Variants in RAPGEF2 observed in about 807,000 individuals in gnomAD.
RAPGEF2 encodes the protein PDZ domain containing guanine nucleotide exchange factor (GEF) 1.
Under a neutral mutation model 186.7 loss-of-function variants are expected in RAPGEF2, and 54 were observed. The ratio of observed to expected loss-of-function variants is 0.29; its 90% CI spans 0.23 to 0.36. RAPGEF2 has a LOEUF of 0.36. Among genes scored for constraint, RAPGEF2 ranks in the 10% least tolerant of loss-of-function variants. The pLI is 1.00. For missense variants in RAPGEF2, 1,532 were observed against 2,045.0 expected, an observed-to-expected ratio of 0.75 and a Z score of 4.84; for synonymous variants, 712 against 705.9, an observed-to-expected ratio of 1.01 and a Z score of -0.14.
intron 1 of RAPGEF2, among the ~76,000 whole-genome samples, chr4:159,176,772 T>A (rs1262163365): frequency 6.6e-6 from 1 of 152,042 alleles, no homozygotes; most frequent in Non-Finnish European, 1.5e-5. Flanking sequence ...ATGTTAAGAG[T>A]GAAGTGTAAA....
chr4:159,294,020 C>T (rs928752541), intron 7 of RAPGEF2, among the ~76,000 whole-genome samples: 9 of 152,288 alleles, frequency 5.9e-5, no homozygotes, highest in African/African-American at 1.4e-4. Flanking sequence ...TAGCGATGCA[C>T]CCAGCAAGAG....
At chr4:159,229,263 C>T (rs924916609) in intron 4 of RAPGEF2, 2 of 152,082 alleles carry the variant, frequency 1.3e-5, no homozygotes, top group Non-Finnish European at 2.9e-5. Context: ...GTTTACATTC[C>T]GATACTGAGA....
At chr4:159,261,279 G>T (rs571587003) in intron 7 of RAPGEF2, among the ~76,000 whole-genome samples, 27 of 150,626 alleles carry the variant, frequency 1.8e-4, no homozygotes, top group African/African-American at 6.1e-4. Flanking sequence ...AGCCAGGATG[G>T]TCTCCATCTC....
chr4:159,319,215 G>A (rs1764952613), intron 9 of RAPGEF2, among the ~76,000 whole-genome samples: 1 of 152,122 alleles, frequency 6.6e-6, no homozygotes, highest in African/African-American at 2.4e-5. Context: ...TTAGGAACTA[G>A]GCCGCACAGC....
intron 1 of RAPGEF2, among the ~76,000 whole-genome samples, chr4:159,164,272 G>A (rs1380624275): frequency 6.6e-6 from 1 of 150,396 alleles, no homozygotes; most frequent in South Asian, 2.1e-4. Flanking sequence ...CCAAAGTGCT[G>A]GGATTACAGG....
intron 1 of RAPGEF2, among the ~76,000 whole-genome samples, chr4:159,167,040 A>C (rs1397876925): frequency 6.6e-6 from 1 of 152,220 alleles, no homozygotes; most frequent in East Asian, 1.9e-4. Context: ...ATGGTGAAAG[A>C]AGAGAAGGCC....
At position 159,330,315 on chromosome 4, in the gene RAPGEF2, A is replaced by C. The variant is rs765130900; in HGVS notation, c.1303-19A>C. On this transcript the variant is annotated intron_variant, in intron 12 of 29. Transcript: ENST00000691494. ...TGTGTGTATATATATGTAGTAATTAAACCTTTTCTTTGTTACAGGGTACCT... is the reference window on the plus strand; with the variant it reads ...TGTGTGTATATATATGTAGTAATTACACCTTTTCTTTGTTACAGGGTACCT... 1.4e-5 allele frequency: 18 copies of C among 1,304,434 alleles called. No individual in the cohort carries two copies. In the African/African-American group the frequency reaches 2.5e-4, roughly 18 times the overall value. The allele number at this position is 1,304,434 out of a possible 1,614,324, so 80.8% of individuals were successfully genotyped here.
Position 159,252,076 on chromosome 4 carries a change from CG to C in RAPGEF2, c.543+8286del, listed in dbSNP as rs201989192. On this transcript the variant is annotated intron_variant, in intron 7 of 29. Coordinates refer to ENST00000691494, the MANE Select transcript of RAPGEF2 (RefSeq NM_001394067.2). ...CATTTTTAAGAACTGTAACATTCAC[CG>C]TGAGGGTCTGTGGTTTCATTCTTGA... Among the ~76,000 whole-genome samples the C allele has an allele frequency of 3.5e-3, 538 of 152,200 alleles. 4 individuals are homozygous for C. The highest frequency in any genetic ancestry group is 0.012 in the African/African-American group (513 of 41,522).
intron 7 of RAPGEF2, among the ~76,000 whole-genome samples, chr4:159,244,255 TGG>T (rs1259671902): frequency 6.6e-6 from 1 of 151,960 alleles, no homozygotes; most frequent in Non-Finnish European, 1.5e-5. Context: ...GGGAGGCCAC[TGG>T]TAAAATTTCA....
At chr4:159,302,538 G>T (rs969517685) in intron 7 of RAPGEF2, among the ~76,000 whole-genome samples, 2 of 148,040 alleles carry the variant, frequency 1.4e-5, no homozygotes, top group African/African-American at 5.3e-5. Context: ...ACGATGAAGG[G>T]TATCTATCCT....
intron 3 of RAPGEF2, among the ~76,000 whole-genome samples, chr4:159,200,877 T>C (rs28658072): frequency 0.13 from 19,225 of 152,162 alleles, 2,514 homozygotes; most frequent in African/African-American, 0.33. Flanking sequence ...TGTTTTCTTA[T>C]TGTGGGAATT....
At chr4:159,256,637 T>A (rs895647961) in intron 7 of RAPGEF2, among the ~76,000 whole-genome samples, 1 of 152,250 alleles carries the variant, frequency 6.6e-6, no homozygotes, top group Non-Finnish European at 1.5e-5. Flanking sequence ...TCTTCCACAA[T>A]TATTGAACTA....
In RAPGEF2 at chr4:159,243,818, G is replaced by C. The variant is rs978368552; in HGVS notation, c.543+27G>C. 2.9e-5 allele frequency: 36 copies of C among 1,258,296 alleles called. No individual in the cohort carries two copies. In the African/African-American group the frequency reaches 5.1e-4, roughly 18 times the overall value. The allele number at this position is 1,258,296 out of a possible 1,614,324, so 77.9% of individuals were successfully genotyped here. ...TATTGTAATTTGTGTGTGGTCTTCT[G>C]ACACTAACCTAAGTTTACGTGTGAA... On this transcript the variant is annotated intron_variant, in intron 7 of 29. Coordinates refer to ENST00000691494, the MANE Select transcript of RAPGEF2 (RefSeq NM_001394067.2).
intron 2 of RAPGEF2, among the ~76,000 whole-genome samples, chr4:159,190,316 G>A (rs1005024622): frequency 6.6e-6 from 1 of 152,164 alleles, no homozygotes; most frequent in African/African-American, 2.4e-5. Context: ...GGCCTTGTGG[G>A]GAATGGACAA....
chr4:159,241,185 G>A lies in RAPGEF2; in HGVS notation c.358-16G>A, dbSNP rs1014077882. The A allele has an allele frequency of 4.1e-6, 6 of 1,477,072 alleles. No individual in the cohort carries two copies. Among genetic ancestry groups the A allele is most frequent in the Non-Finnish European group, 4.5e-6 (5 of 1,114,504 alleles). The allele number at this position is 1,477,072 out of a possible 1,614,324, so 91.5% of individuals were successfully genotyped here. A position where few individuals can be genotyped will look rare whatever the true frequency, so the allele number is the denominator to read the frequency against. On this transcript the variant is annotated splice_polypyrimidine_tract_variant and intron_variant, in intron 5 of 29. Transcript: ENST00000691494. ...TTGTGTTTGGAGAAATGAAATTTTG[G>A]GGGGTTTTATTTCAGGTGGACTATA... is the stretch of plus-strand genomic sequence containing the variant.
At chr4:159,315,582 C>T (rs1350157320) in intron 9 of RAPGEF2, among the ~76,000 whole-genome samples, 1 of 152,102 alleles carries the variant, frequency 6.6e-6, no homozygotes, top group Non-Finnish European at 1.5e-5. Context: ...GCCCCGAATG[C>T]CAGGCTGCAC....
At position 159,286,944 on chromosome 4, in the gene RAPGEF2, T is replaced by A. The variant is rs1760583082; in HGVS notation, c.544-17398T>A. The stretch of plus-strand genomic sequence containing the variant: ...GCTTCGTGAGAGTATGTACCTCATC[T>A]ATTCAGTTCATCACTCTGTCTGTAA... On this transcript the variant is annotated intron_variant, in intron 7 of 29. Transcript: ENST00000691494. Among the ~76,000 whole-genome samples the A allele has an allele frequency of 2.0e-5, 3 of 152,222 alleles. No individual in the cohort carries two copies. In the South Asian group the frequency reaches 6.2e-4, roughly 31 times the overall value.
At chr4:159,346,762 C>A in intron 24 of RAPGEF2, 27 bp from the exon 25 acceptor site, 1 of 1,591,028 alleles carries the variant, frequency 6.3e-7, no homozygotes, top group South Asian at 1.1e-5. Context: ...ATTCTTTGTT[C>A]TATTTTCAAA....
chr4:159,251,544 CGAGA>C (rs1755394171), intron 7 of RAPGEF2, among the ~76,000 whole-genome samples: 1 of 152,052 alleles, frequency 6.6e-6, no homozygotes, highest in East Asian at 1.9e-4. Context: ...TTATGTCTAG[CGAGA>C]GGATTGTAAA....
Sources: gnomAD v4.1 joint callset for allele counts (sites outside exome capture counted in the v4.1 genomes callset) on GRCh38, gnomAD v4.1.1 for gene constraint, MANE v1.5 for transcripts, NCBI Gene and HGNC (gene_info 2026-07-23, HGNC 2026-07-21) for gene names.